The following LRRC7 variants were observed in gnomAD, a reference collection of about 807,000 sequenced individuals.
LRRC7 encodes leucine rich repeat containing 7.
In LRRC7, 23 loss-of-function variants were observed where a neutral mutation model predicts 175.7. That is an observed-to-expected ratio of 0.13 (90% CI 0.09 to 0.19). The LOEUF (loss-of-function observed/expected upper bound fraction) is 0.19, where lower values mean the gene tolerates loss of function less well. Among genes scored for constraint, LRRC7 ranks in the 10% least tolerant of loss-of-function variants. The pLI is 1.00. For missense variants in LRRC7, 1,354 were observed against 1,904.7 expected, an observed-to-expected ratio of 0.71 and a Z score of 5.38; for synonymous variants, 685 against 680.9, an observed-to-expected ratio of 1.01 and a Z score of -0.09.
chr1:69,715,005 T>C (rs1665186065), intron 2 of LRRC7, among the ~76,000 whole-genome samples: 1 of 152,238 alleles, frequency 6.6e-6, no homozygotes, highest in African/African-American at 2.4e-5. Flanking sequence ...GCTATTTATA[T>C]ATTGTCACCC....
intron 25 of LRRC7, among the ~76,000 whole-genome samples, chr1:70,096,720 A>C (rs981877975): frequency 6.6e-6 from 1 of 152,140 alleles, no homozygotes; most frequent in Non-Finnish European, 1.5e-5. Flanking sequence ...CTGAAAAAAA[A>C]AGACCCATGA....
At chr1:69,928,092 A>T (rs562730648) in intron 7 of LRRC7, among the ~76,000 whole-genome samples, 66 of 152,256 alleles carry the variant, frequency 4.3e-4, no homozygotes, top group African/African-American at 1.3e-3. Context: ...TTGCCTGGGT[A>T]TCAGCAGCGG....
intron 22 of LRRC7, among the ~76,000 whole-genome samples, chr1:70,051,275 A>G (rs1368324415): frequency 6.6e-6 from 1 of 152,070 alleles, no homozygotes; most frequent in African/African-American, 2.4e-5. Flanking sequence ...TACATTGCAC[A>G]GACCTGGCCA....
intron 2 of LRRC7, among the ~76,000 whole-genome samples, chr1:69,741,232 A>T (rs532083153): frequency 1.2e-3 from 177 of 151,796 alleles, no homozygotes; most frequent in East Asian, 9.1e-3. Flanking sequence ...TAAATTTTTT[A>T]AAAAAAAGTT....
At chr1:70,007,702 A>G (rs972690072) in intron 11 of LRRC7, among the ~76,000 whole-genome samples, 1 of 152,144 alleles carries the variant, frequency 6.6e-6, no homozygotes. Flanking sequence ...TTAAGTTTAG[A>G]TCCACTTCCA....
chr1:69,684,111 G>A lies in LRRC7; in HGVS notation c.100+5633G>A, dbSNP rs183720786. Among the ~76,000 whole-genome samples, 268 of 152,176 alleles carry A rather than the reference G, an allele frequency of 1.8e-3. 1 individual carries two copies. The highest frequency in any genetic ancestry group is 2.2e-3 in the Non-Finnish European group (148 of 68,006). ...ATATTCAAATGTTTTCTGATGTACT[G>A]TATAAAAATCAGTTATATAAGATCC... is the stretch of plus-strand genomic sequence containing the variant. On this transcript the variant is annotated intron_variant, in intron 2 of 26. Coordinates refer to ENST00000651989, the MANE Select transcript of LRRC7 (RefSeq NM_001370785.2).
intron 7 of LRRC7, among the ~76,000 whole-genome samples, chr1:69,926,125 T>G (rs1324427106): frequency 2.0e-5 from 3 of 151,348 alleles, no homozygotes; most frequent in Non-Finnish European, 4.4e-5. Flanking sequence ...GTGAGTTTGT[T>G]AGTCCTGAGT....
At chr1:69,886,738 T>A (rs1322755263) in intron 7 of LRRC7, among the ~76,000 whole-genome samples, 2 of 151,394 alleles carry the variant, frequency 1.3e-5, no homozygotes, top group Non-Finnish European at 2.9e-5. Flanking sequence ...TTTGGCATGA[T>A]TTTGCAGCGA....
At chr1:69,791,680 A>G (rs1416034605) in intron 3 of LRRC7, among the ~76,000 whole-genome samples, 1 of 152,114 alleles carries the variant, frequency 6.6e-6, no homozygotes, top group Non-Finnish European at 1.5e-5. Flanking sequence ...ACAGAAAAAG[A>G]GAACTGAGGT....
At chr1:69,579,189 G>A (rs1451115252) in intron 1 of LRRC7, among the ~76,000 whole-genome samples, 1 of 151,932 alleles carries the variant, frequency 6.6e-6, no homozygotes, top group Non-Finnish European at 1.5e-5. Context: ...ATTAAAAAGG[G>A]AGGTAACAAA....
At chr1:70,015,477 A>G (rs1454131372) in intron 13 of LRRC7, among the ~76,000 whole-genome samples, 2 of 152,126 alleles carry the variant, frequency 1.3e-5, no homozygotes, top group Non-Finnish European at 2.9e-5. Flanking sequence ...GGAAATTTTC[A>G]TTCTATATTA....
At chr1:69,851,637 A>G (rs1321492682) in intron 7 of LRRC7, among the ~76,000 whole-genome samples, 5 of 152,112 alleles carry the variant, frequency 3.3e-5, no homozygotes, top group Admixed American at 3.3e-4. Context: ...ATGGAGAGTC[A>G]TAACCTGAGC....
chr1:69,980,848 T>A (rs999393718), intron 9 of LRRC7, among the ~76,000 whole-genome samples: 1 of 152,228 alleles, frequency 6.6e-6, no homozygotes, highest in Non-Finnish European at 1.5e-5. Flanking sequence ...TTATTCATTT[T>A]GTTAGAGCTC....
rs550319406 is a variant in LRRC7, at chr1:69,622,677, C to T, written c.2+54036C>T. Among the ~76,000 whole-genome samples the T allele has an allele frequency of 2.0e-5, 3 of 152,144 alleles. 1 individual carries two copies. In the East Asian group the frequency reaches 5.8e-4, roughly 29 times the overall value. On this transcript the variant is annotated intron_variant, in intron 1 of 26. Transcript: ENST00000651989. ...TTGAGGGTGGTGGTGGTTAGAAGAA[C>T]AATAAGGAATTTTTATGGGACTCAA...
At chr1:69,737,946 T>C (rs1390915998) in intron 2 of LRRC7, among the ~76,000 whole-genome samples, 1 of 152,082 alleles carries the variant, frequency 6.6e-6, no homozygotes, top group African/African-American at 2.4e-5. Flanking sequence ...AAGGATGGGC[T>C]TTGGTCTACA....
At chr1:69,719,008 T>C (rs186094699) in intron 2 of LRRC7, among the ~76,000 whole-genome samples, 1 of 151,964 alleles carries the variant, frequency 6.6e-6, no homozygotes, top group East Asian at 1.9e-4. Flanking sequence ...TTTTTCAGAC[T>C]TATCTATGGG....
At chr1:69,587,828 C>T (rs1038108040) in intron 1 of LRRC7, among the ~76,000 whole-genome samples, 2 of 152,190 alleles carry the variant, frequency 1.3e-5, no homozygotes, top group African/African-American at 4.8e-5. Context: ...CTTCACCTGT[C>T]TCCATGATTG....
rs1557872214 is a variant in LRRC7 at position 69,905,985 on chromosome 1, G to C, written c.648-25522G>C. ...TGAGATGGTATCTCATTGTGGTTTT[G>C]ATTTGCATTTCTCTGATGGCCAGTG... On this transcript the variant is annotated intron_variant, in intron 7 of 26. Coordinates refer to ENST00000651989, the MANE Select transcript of LRRC7 (RefSeq NM_001370785.2). Among the ~76,000 whole-genome samples the C allele has an allele frequency of 7.2e-5, 11 of 152,318 alleles. No individual in the cohort carries two copies. The South Asian group carries it at 1.9e-3, about 26-fold the overall frequency.
In LRRC7 at chr1:70,127,843, T is replaced by G. The variant is rs529319391; in HGVS notation, c.*5956T>G. Among the ~76,000 whole-genome samples, 1 of 152,352 alleles carries G rather than the reference T, an allele frequency of 6.6e-6. No homozygotes were observed. Among genetic ancestry groups the G allele is most frequent in the East Asian group, 1.9e-4 (1 of 5,192 alleles). ...CTTATTAGTCTACGGTTGGAACCAC[T>G]ATGTAGTCCTACCCAAAGACAAGGT... On this transcript the variant is annotated 3_prime_UTR_variant, in exon 27 of 27. Transcript: ENST00000651989.
Sources: allele counts gnomAD v4.1 joint callset (sites outside exome capture counted in the v4.1 genomes callset), GRCh38; gene constraint gnomAD v4.1.1; transcripts MANE v1.5; gene names NCBI Gene and HGNC (gene_info 2026-07-23, HGNC 2026-07-21).